NISCH: variants seen among roughly 807,000 people sequenced by gnomAD.
NISCH encodes nischarin, also known as I-1 receptor candidate protein.
A neutral mutation model predicts 138.4 loss-of-function variants in NISCH; 55 were observed. That is an observed-to-expected ratio of 0.40 (90% CI 0.32 to 0.50). The LOEUF (loss-of-function observed/expected upper bound fraction) is 0.50, where lower values mean the gene tolerates loss of function less well. NISCH is among the 20% of genes least tolerant of loss of function. NISCH has a pLI of 0.71. For synonymous variants in NISCH, 860 were observed against 861.5 expected, an observed-to-expected ratio of 1.00 and a Z score of 0.03; for missense variants, 1,643 against 2,005.5, an observed-to-expected ratio of 0.82 and a Z score of 3.45.
chr3:52,489,772 C>G, intron 17 of NISCH, 94 bp downstream of exon 17: 1 of 1,522,976 alleles, frequency 6.6e-7, no homozygotes, highest in Non-Finnish European at 8.8e-7. Context: ...CCCTGGACTT[C>G]CCTGATGTCG....
rs773569519 is a variant in NISCH, at chr3:52,491,431, C to T, written c.3822C>T (p.Val1274=). Reference sequence around the variant, plus strand: ...ACTGCTTCCTCCAGCACCTCATGGTCGTGCTGTCCTCTCTGGAACGCACGC... The same window carrying T: ...ACTGCTTCCTCCAGCACCTCATGGTTGTGCTGTCCTCTCTGGAACGCACGC... ...LTHCFLQHLM[V]VLSSLERTPS... Residue 1274 remains valine, a synonymous_variant, in exon 20 of 21, where the codon GTC becomes GTT. Coordinates refer to ENST00000345716, the MANE Select transcript of NISCH (RefSeq NM_007184.4). The T allele has an allele frequency of 1.2e-6, 2 of 1,613,454 alleles. No individual in the cohort carries two copies. The highest frequency in any genetic ancestry group is 1.3e-5 in the African/African-American group (1 of 75,064).
intron 3 of NISCH, among the ~76,000 whole-genome samples, chr3:52,462,081 G>T (rs894242165): frequency 6.6e-6 from 1 of 152,078 alleles, no homozygotes; most frequent in Non-Finnish European, 1.5e-5. Context: ...GATGTGCCTG[G>T]GGCCGGCTAC....
At chr3:52,459,028 C>T (rs949406155) in intron 3 of NISCH, among the ~76,000 whole-genome samples, 184 bp downstream of exon 3, 1 of 152,124 alleles carries the variant, frequency 6.6e-6, no homozygotes, top group Admixed American at 6.5e-5. Context: ...GACAGATTTG[C>T]CGTAAATTAG....
At chr3:52,481,608 A>G (rs923481759) in intron 13 of NISCH, 1 of 985,636 alleles carries the variant, frequency 1.0e-6, no homozygotes, top group African/African-American at 1.7e-5. Flanking sequence ...TCTCAAGGCC[A>G]GGGACACAGC....
chr3:52,489,956 C>T (rs1164516292), intron 17 of NISCH, 119 bp from the exon 18 acceptor site: 10 of 1,387,220 alleles, frequency 7.2e-6, no homozygotes, highest in Middle Eastern at 2.0e-4. Flanking sequence ...TTGAAGCATA[C>T]GGATTCATTG....
intron 3 of NISCH, among the ~76,000 whole-genome samples, chr3:52,467,622 T>C (rs1479445899): frequency 6.6e-6 from 1 of 152,270 alleles, no homozygotes; most frequent in Non-Finnish European, 1.5e-5. Flanking sequence ...TATGTACTTC[T>C]GTGCCCTAAA....
At chr3:52,488,963 C>G (rs1162774541) in intron 16 of NISCH, among the ~76,000 whole-genome samples, 1 of 152,212 alleles carries the variant, frequency 6.6e-6, no homozygotes, top group Non-Finnish European at 1.5e-5. Context: ...ACCCTGGCTG[C>G]TGTGCTCCTC....
At position 52,484,625 on chromosome 3, in the gene NISCH, C is replaced by T; in HGVS notation, c.1641C>T (p.Ile547=). Residue 547 remains isoleucine, a synonymous_variant, in exon 14 of 21, where the codon ATC becomes ATT. Coordinates refer to ENST00000345716, the MANE Select transcript of NISCH (RefSeq NM_007184.4). ...GATGTTCTGATTCCTTGGAGTCCATCCCTGCGGGACAGGTAATGCCCTCTT... is the reference window on the plus strand; with the variant it reads ...GATGTTCTGATTCCTTGGAGTCCATTCCTGCGGGACAGGTAATGCCCTCTT... ...AQGCSDSLES[I]PAGQAASDDL... 6.2e-7 allele frequency: 1 copy of T among 1,614,016 alleles called. No homozygotes were observed. The highest frequency in any genetic ancestry group is 8.5e-7 in the Non-Finnish European group (1 of 1,180,016).
At position 52,488,427 on chromosome 3, in the gene NISCH, C is replaced by T. The variant is rs201907343; in HGVS notation, c.2935C>T (p.Arg979Cys). ...CGTGCTAGAGCTGCTCGTGGGGTAC[C>T]GCTTTGTCACTGCCATCTTCGTGCT... ...GHVLELLVGY[R>C]FVTAIFVLPH... The change falls in exon 16 of 21, where the codon CGC (arginine) becomes TGC (cysteine). Residue 979 changes from arginine (R) to cysteine (C), a missense_variant. Physicochemically the swap from Arg to Cys is radical, Grantham distance 180. Coordinates refer to ENST00000345716, the MANE Select transcript of NISCH (RefSeq NM_007184.4). 16 of 1,613,782 alleles carry T rather than the reference C, an allele frequency of 9.9e-6. No individual in the cohort carries two copies. In the Admixed American group the frequency reaches 1.3e-4, roughly 13 times the overall value.
At chr3:52,490,561 C>A in intron 18 of NISCH, 144 bp from the exon 19 acceptor site, 4 of 1,167,404 alleles carry the variant, frequency 3.4e-6, no homozygotes, top group Non-Finnish European at 4.9e-6. Context: ...GAGGCTCCGA[C>A]TCCAGAGGGC....
At chr3:52,481,727 G>C in intron 13 of NISCH, 1 of 985,558 alleles carries the variant, frequency 1.0e-6, no homozygotes, top group South Asian at 4.7e-5. Context: ...TCCCCAGGCT[G>C]CAGCTGCAGG....
intron 8 of NISCH, among the ~76,000 whole-genome samples, chr3:52,477,053 G>A (rs962852537): frequency 6.6e-6 from 1 of 152,086 alleles, no homozygotes; most frequent in African/African-American, 2.4e-5. Context: ...AAAAAAAAAT[G>A]GGATCATTTA....
intron 5 of NISCH, 104 bp from the exon 6 acceptor site, chr3:52,472,199 G>A: frequency 8.5e-7 from 1 of 1,174,998 alleles, no homozygotes; most frequent in Non-Finnish European, 1.3e-6. Context: ...CTGCTTTGTT[G>A]AAGACAGAAG....
intron 13 of NISCH, chr3:52,481,790 C>T (rs1707282646): frequency 2.0e-6 from 2 of 985,460 alleles, no homozygotes; most frequent in African/African-American, 3.5e-5. Context: ...CCCCTCCTCA[C>T]TCCCCTTGTG....
intron 11 of NISCH, 30 bp from the exon 12 acceptor site, chr3:52,479,719 A>T: frequency 6.6e-7 from 1 of 1,522,550 alleles, no homozygotes; most frequent in African/African-American, 1.4e-5. Context: ...ACCAGTCCCC[A>T]TGCTGATAGC....
intron 11 of NISCH, 52 bp from the exon 12 acceptor site, chr3:52,479,697 C>T: frequency 7.8e-7 from 1 of 1,276,378 alleles, no homozygotes; most frequent in Non-Finnish European, 1.1e-6. Flanking sequence ...AGTCCCCATG[C>T]TGATAGCCAT....
In NISCH at chr3:52,455,669, G is replaced by A. The variant is rs1429358316; in HGVS notation, c.28G>A (p.Glu10Lys). ...GGCGACCGCGCGCACCTTCGGGCCC[G>A]AGCGGGAAGCCGAGCCGGCCAAGGA... is the stretch of plus-strand genomic sequence containing the variant. MATARTFGPEREAEPAKEAR... is the reference protein window; with the variant it reads MATARTFGPKREAEPAKEAR... Residue 10 changes from glutamate to lysine, a missense_variant, in exon 1 of 21, where the codon GAG becomes AAG. Coordinates refer to ENST00000345716, the MANE Select transcript of NISCH (RefSeq NM_007184.4). 2.2e-6 allele frequency: 3 copies of A among 1,357,736 alleles called. No homozygotes were observed. The highest frequency in any genetic ancestry group is 2.9e-6 in the Non-Finnish European group (3 of 1,045,876). 84.1% of individuals were successfully genotyped at this position (1,357,736 alleles called of 1,614,324 possible).
chr3:52,489,074 A>G (rs1052925210), intron 16 of NISCH, among the ~76,000 whole-genome samples: 4 of 152,028 alleles, frequency 2.6e-5, no homozygotes, highest in Admixed American at 1.3e-4. Context: ...CCACCTCAAC[A>G]TCTTGCTGTG....
In NISCH at chr3:52,473,671, C is replaced by T. The variant is rs1376304201; in HGVS notation, c.670-63C>T. On this transcript the variant is annotated intron_variant, in intron 6 of 20. Transcript: ENST00000345716. ...TTTGTATGGGGGTAGGAAACACCTGCATCTGGGGACTTCTGACGGAGCAAG... is the reference window on the plus strand; with the variant it reads ...TTTGTATGGGGGTAGGAAACACCTGTATCTGGGGACTTCTGACGGAGCAAG... The T allele has an allele frequency of 4.2e-6, 5 of 1,194,268 alleles. No individual in the cohort carries two copies. The East Asian group carries it at 9.7e-5, about 23-fold the overall frequency. 74.0% of individuals were successfully genotyped at this position (1,194,268 alleles called of 1,614,324 possible).
Sources: gnomAD v4.1 joint callset for allele counts (sites outside exome capture counted in the v4.1 genomes callset) on GRCh38, gnomAD v4.1.1 for gene constraint, MANE v1.5 for transcripts, NCBI Gene and HGNC (gene_info 2026-07-23, HGNC 2026-07-21) for gene names.